Variants in DMGDH observed in about 807,000 individuals in gnomAD.
DMGDH encodes the protein dimethylglycine dehydrogenase, mitochondrial.
A neutral mutation model predicts 95.2 loss-of-function variants in DMGDH; 76 were observed. That is an observed-to-expected ratio of 0.80 (90% CI 0.66 to 0.97). The LOEUF is 0.97. Ranked by LOEUF, DMGDH falls within the 50% of genes least tolerant of loss-of-function variation. The pLI, the probability that DMGDH is intolerant of heterozygous loss-of-function variation, is 0.00. For missense variants in DMGDH, 987 were observed against 1,055.0 expected (o/e 0.94, Z 0.89); for synonymous variants, 345 against 377.6 (o/e 0.91, Z 1.00).
chr5:79,018,502 G>C (rs955639068), intron 14 of DMGDH, among the ~76,000 whole-genome samples: 10 of 151,986 alleles, frequency 6.6e-5, no homozygotes, highest in African/African-American at 2.2e-4. Flanking sequence ...TTGTTGCCTG[G>C]GGGGTAGGTG....
chr5:79,060,007 T>C (rs1755150992), intron 2 of DMGDH, among the ~76,000 whole-genome samples: 1 of 152,190 alleles, frequency 6.6e-6, no homozygotes, highest in African/African-American at 2.4e-5. Flanking sequence ...CACCATGTCA[T>C]GGTATACGGA....
Position 79,044,339 on chromosome 5 carries a change from A to G in DMGDH, c.959T>C (p.Val320Ala). 6.2e-7 allele frequency: 1 copy of G among 1,614,146 alleles called. No homozygotes were observed. Among genetic ancestry groups the G allele is most frequent in the Non-Finnish European group, 8.5e-7 (1 of 1,180,016 alleles). Residue 320 changes from valine (V) to alanine (A), a missense_variant, in exon 6 of 16, where the codon GTT becomes GCT. Transcript: ENST00000255189. The part of the protein sequence containing the change: ...GPYESQEKMK[V>A]QDSWVTNGVP... ...TCCATTGGTGACCCAGGAGTCCTGA[A>G]CTTTCATTTTCTCTTGACTTTCATA... is the stretch of plus-strand genomic sequence containing the variant.
intron 14 of DMGDH, among the ~76,000 whole-genome samples, chr5:79,019,389 T>C (rs1753808119): frequency 6.6e-6 from 1 of 152,064 alleles, no homozygotes; most frequent in South Asian, 2.1e-4. Flanking sequence ...TACTTTCCTA[T>C]GTACTTTCAA....
At chr5:79,064,778 A>C (rs73132166) in intron 1 of DMGDH, among the ~76,000 whole-genome samples, 10,830 of 151,914 alleles carry the variant, frequency 0.071, 867 homozygotes, top group African/African-American at 0.18. Context: ...AAGACAGAGT[A>C]TTACTCTTTT....
At chr5:79,058,411 A>G (rs1471566935) in intron 2 of DMGDH, among the ~76,000 whole-genome samples, 2 of 152,258 alleles carry the variant, frequency 1.3e-5, no homozygotes, top group African/African-American at 4.8e-5. Context: ...TGTGACTTCA[A>G]CGAGGACATA....
chr5:79,003,611 T>C (rs1338778175), intron 15 of DMGDH, among the ~76,000 whole-genome samples: 2 of 152,184 alleles, frequency 1.3e-5, no homozygotes, highest in Non-Finnish European at 2.9e-5. Flanking sequence ...CAGGCTCTAA[T>C]AACATCCACC....
At chr5:79,050,680 A>G (rs1754827206) in intron 5 of DMGDH, among the ~76,000 whole-genome samples, 1 of 152,236 alleles carries the variant, frequency 6.6e-6, no homozygotes, top group Non-Finnish European at 1.5e-5. Flanking sequence ...TGGCCAAGTA[A>G]CATGACCCTT....
intron 7 of DMGDH, among the ~76,000 whole-genome samples, chr5:79,039,373 CA>C (rs1302921784): frequency 6.6e-6 from 1 of 152,010 alleles, no homozygotes; most frequent in Admixed American, 6.5e-5. Flanking sequence ...GAATACTATG[CA>C]GCCATAAAAA....
chr5:79,062,683 T>C (rs868532320), intron 2 of DMGDH, among the ~76,000 whole-genome samples: 134 of 152,258 alleles, frequency 8.8e-4, no homozygotes, highest in African/African-American at 2.9e-3. Context: ...ATGCATACCA[T>C]GAAGAATGCA....
chr5:79,036,354 C>G (rs143801062), intron 7 of DMGDH, among the ~76,000 whole-genome samples: 2 of 152,312 alleles, frequency 1.3e-5, no homozygotes, highest in African/African-American at 2.4e-5. Flanking sequence ...CTCAATGACC[C>G]TAGGCCTATA....
At chr5:79,027,643 T>C (rs1754038427) in intron 12 of DMGDH, among the ~76,000 whole-genome samples, 1 of 151,986 alleles carries the variant, frequency 6.6e-6, no homozygotes, top group Non-Finnish European at 1.5e-5. Flanking sequence ...ATGTGCAAGG[T>C]TAGGTGCTAG....
intron 13 of DMGDH, 96 bp from the exon 14 acceptor site, chr5:79,024,426 G>A: frequency 8.3e-7 from 1 of 1,202,960 alleles, no homozygotes; most frequent in Admixed American, 1.8e-5. Context: ...AACCCTTTTT[G>A]ATTTTTCAAC....
chr5:79,037,837 A>G (rs937595145), intron 7 of DMGDH, among the ~76,000 whole-genome samples: 1 of 152,234 alleles, frequency 6.6e-6, no homozygotes, highest in African/African-American at 2.4e-5. Context: ...TATCAAAGAG[A>G]ATAAAATACT....
intron 14 of DMGDH, chr5:79,021,507 G>C (rs1183130520): frequency 7.9e-7 from 1 of 1,272,740 alleles, no homozygotes; most frequent in Non-Finnish European, 1.0e-6. Flanking sequence ...AAGGAAGCAA[G>C]GGCCACTGCG....
At chr5:79,030,571 G>A in intron 10 of DMGDH, 1 of 352,130 alleles carries the variant, frequency 2.8e-6, no homozygotes, top group South Asian at 3.2e-5. Context: ...GCTTGAACCT[G>A]GGAGGCGAAG....
chr5:79,057,746 C>A (rs1755073496), intron 2 of DMGDH, among the ~76,000 whole-genome samples: 1 of 152,118 alleles, frequency 6.6e-6, no homozygotes, highest in African/African-American at 2.4e-5. Context: ...CTGCTAGTGA[C>A]CCCCATTTTG....
intron 7 of DMGDH, among the ~76,000 whole-genome samples, chr5:79,040,140 T>G (rs403224): frequency 0.56 from 85,436 of 152,018 alleles, 24,287 homozygotes; most frequent in East Asian, 0.78. Context: ...CTTGAGACTG[T>G]TGTCCGAAGT....
chr5:79,044,906 C>T (rs1054826453), intron 5 of DMGDH, among the ~76,000 whole-genome samples: 6 of 152,058 alleles, frequency 3.9e-5, no homozygotes, highest in Non-Finnish European at 7.4e-5. Flanking sequence ...TAAGAAGTAC[C>T]GTAACAAGAC....
At chr5:79,067,569 G>C (rs150734453) in intron 1 of DMGDH, among the ~76,000 whole-genome samples, 2 of 152,296 alleles carry the variant, frequency 1.3e-5, no homozygotes, top group African/African-American at 4.8e-5. Context: ...TTTCTCATTT[G>C]CAAAACGGAG....
Sources: allele counts gnomAD v4.1 joint callset (sites outside exome capture counted in the v4.1 genomes callset), GRCh38; gene constraint gnomAD v4.1.1; transcripts MANE v1.5; gene names NCBI Gene and HGNC (gene_info 2026-07-23, HGNC 2026-07-21).